MYH10: variants seen among roughly 807,000 people sequenced by gnomAD.
MYH10 encodes myosin-10.
Under a neutral mutation model 257.8 loss-of-function variants are expected in MYH10, and 55 were observed. The observed-to-expected ratio is 0.21, with a 90% CI of 0.17 to 0.27. The LOEUF is 0.27. Ranked by LOEUF, MYH10 falls within the 10% of genes least tolerant of loss-of-function variation. MYH10 has a pLI of 1.00. For missense variants in MYH10, 1,631 were observed against 2,500.6 expected (o/e 0.65, Z 7.42); for synonymous variants, 854 against 921.7 (o/e 0.93, Z 1.33).
At chr17:8,518,828 CAAGA>C in intron 20 of MYH10, 37 bp from the exon 21 acceptor site, 2 of 1,602,452 alleles carry the variant, frequency 1.2e-6, no homozygotes, top group South Asian at 1.1e-5. Flanking sequence ...TTTTTAACTA[CAAGA>C]AAGATTAGAT....
intron 4 of MYH10, among the ~76,000 whole-genome samples, chr17:8,583,917 A>C (rs920328566): frequency 2.0e-5 from 3 of 152,222 alleles, no homozygotes; most frequent in Non-Finnish European, 4.4e-5. Context: ...ATAAAACATA[A>C]ACAGAGTATT....
At chr17:8,629,786 C>A (rs2085832506) in intron 1 of MYH10, among the ~76,000 whole-genome samples, 1 of 151,998 alleles carries the variant, frequency 6.6e-6, no homozygotes, top group African/African-American at 2.4e-5. Flanking sequence ...CGCCACATTT[C>A]CCGCCTCGCC....
Position 8,627,860 on chromosome 17 carries a change from A to G in MYH10, c.-32+2794T>C, listed in dbSNP as rs560584647. 1.7e-4 allele frequency among the ~76,000 whole-genome samples: 26 copies of G among 152,336 alleles called. No individual in the cohort carries two copies. In the South Asian group the frequency reaches 4.1e-3, roughly 24 times the overall value. ...CAGCCCTATGAGGTAGGCACTATTA[A>G]TATCTCCATTTTACAGATGAGGAAT... On this transcript the variant is annotated intron_variant, in intron 1 of 42. Transcript: ENST00000360416.
At chr17:8,613,983 C>A (rs536013240) in intron 2 of MYH10, among the ~76,000 whole-genome samples, 25 of 152,062 alleles carry the variant, frequency 1.6e-4, no homozygotes, top group Non-Finnish European at 2.9e-4. Context: ...AATGACCATT[C>A]CATGATTTGC....
intron 17 of MYH10, among the ~76,000 whole-genome samples, chr17:8,527,213 C>A (rs1489702478): frequency 1.3e-5 from 2 of 152,152 alleles, no homozygotes; most frequent in Non-Finnish European, 2.9e-5. Context: ...GTTGCTAGAA[C>A]CGATCTGCTA....
intron 2 of MYH10, among the ~76,000 whole-genome samples, chr17:8,617,824 T>A (rs1460501066): frequency 6.6e-6 from 1 of 152,184 alleles, no homozygotes; most frequent in Non-Finnish European, 1.5e-5. Context: ...TTTTAAAATT[T>A]CACAGCCTTT....
At chr17:8,556,367 A>G (rs954941668) in intron 7 of MYH10, among the ~76,000 whole-genome samples, 2 of 152,242 alleles carry the variant, frequency 1.3e-5, no homozygotes, top group African/African-American at 4.8e-5. Context: ...AAACAACCCA[A>G]TGTCCACCAA....
intron 1 of MYH10, among the ~76,000 whole-genome samples, chr17:8,629,795 CCCCCTCAAACCGCCTGGG>C (rs1187498714): frequency 1.3e-5 from 2 of 151,986 alleles, no homozygotes; most frequent in African/African-American, 4.8e-5. Context: ...TCCCGCCTCG[CCCCCTCAAACCGCCTGGG>C]CCTCGCAGGG....
intron 6 of MYH10, among the ~76,000 whole-genome samples, chr17:8,574,257 A>C (rs1042298209): frequency 6.6e-6 from 1 of 152,262 alleles, no homozygotes; most frequent in Non-Finnish European, 1.5e-5. Flanking sequence ...TGAATATATT[A>C]TGCTAAAAGA....
intron 2 of MYH10, among the ~76,000 whole-genome samples, chr17:8,610,435 A>C (rs1025695018): frequency 1.3e-5 from 2 of 151,600 alleles, no homozygotes; most frequent in African/African-American, 4.8e-5. Context: ...AGAAGCAAAA[A>C]AAAATAAAAA....
intron 4 of MYH10, among the ~76,000 whole-genome samples, chr17:8,578,243 C>CT (rs5819199): frequency 0.89 from 114,819 of 129,184 alleles, 51,637 homozygotes; most frequent in East Asian, 0.99. Context: ...TTCTTTCTTT[C>CT]TTTTTTTTTT....
At chr17:8,498,847 C>CAAACAA (rs761908064) in intron 30 of MYH10, among the ~76,000 whole-genome samples, 58 of 151,338 alleles carry the variant, frequency 3.8e-4, no homozygotes, top group Non-Finnish European at 6.5e-4. Flanking sequence ...GACTCTGTCT[C>CAAACAA]AAACAAAAAC....
chr17:8,581,688 C>T (rs1343896522), intron 4 of MYH10, among the ~76,000 whole-genome samples: 2 of 152,062 alleles, frequency 1.3e-5, no homozygotes, highest in Non-Finnish European at 2.9e-5. Context: ...GATAATAGCT[C>T]CTAATACATA....
At chr17:8,626,683 T>G (rs1390590478) in intron 1 of MYH10, among the ~76,000 whole-genome samples, 1 of 151,010 alleles carries the variant, frequency 6.6e-6, no homozygotes. Flanking sequence ...CAGGTAAATT[T>G]GAGAACAAAT....
Position 8,492,289 on chromosome 17 carries a change from C to T in MYH10, c.4671+8G>A, listed in dbSNP as rs764743658. 55 of 1,610,276 alleles carry T rather than the reference C, an allele frequency of 3.4e-5. No individual in the cohort carries two copies. The highest frequency in any genetic ancestry group is 1.7e-4 in the Middle Eastern group (1 of 6,058). On this transcript the variant is annotated splice_region_variant and intron_variant, in intron 34 of 42. Coordinates refer to ENST00000360416, the MANE Select transcript of MYH10 (RefSeq NM_001256012.3). Reference sequence around the variant, plus strand: ...GTGCGGAAGTGTGGAGCCCACCAGGCGACTTACGTTTTTTCCCACATCATC... The same window carrying T: ...GTGCGGAAGTGTGGAGCCCACCAGGTGACTTACGTTTTTTCCCACATCATC...
intron 7 of MYH10, among the ~76,000 whole-genome samples, chr17:8,556,626 C>G (rs1048476705): frequency 1.3e-5 from 2 of 152,204 alleles, no homozygotes; most frequent in African/African-American, 2.4e-5. Flanking sequence ...GAGGAGGGAA[C>G]TGACAACACA....
chr17:8,525,371 T>C (rs4791717), intron 17 of MYH10, among the ~76,000 whole-genome samples: 146,688 of 152,312 alleles, frequency 0.96, 70,888 homozygotes, highest in East Asian at 1. Context: ...TCCAGCATCT[T>C]ACATACTCAG....
At chr17:8,564,529 G>A (rs1475856055) in intron 7 of MYH10, among the ~76,000 whole-genome samples, 4 of 152,064 alleles carry the variant, frequency 2.6e-5, no homozygotes, top group Non-Finnish European at 4.4e-5. Flanking sequence ...TACCTTCCCC[G>A]AGCTCAACAA....
At chr17:8,484,771 C>A (rs571315654) in intron 36 of MYH10, among the ~76,000 whole-genome samples, 1 of 152,166 alleles carries the variant, frequency 6.6e-6, no homozygotes, top group Non-Finnish European at 1.5e-5. Flanking sequence ...TATAAAAATG[C>A]TCAACAAGCT....
Sources: allele counts gnomAD v4.1 joint callset (sites outside exome capture counted in the v4.1 genomes callset), GRCh38; gene constraint gnomAD v4.1.1; transcripts MANE v1.5; gene names NCBI Gene and HGNC (gene_info 2026-07-23, HGNC 2026-07-21).